PARVB: variants seen among roughly 807,000 people sequenced by gnomAD.
PARVB encodes beta-parvin.
In PARVB, 46 loss-of-function variants were observed where a neutral mutation model predicts 47.0. The observed-to-expected ratio is 0.98, with a 90% confidence interval of 0.77 to 1.25. The LOEUF (loss-of-function observed/expected upper bound fraction) is 1.25. Among genes scored for constraint, PARVB ranks in the 50% most tolerant of loss-of-function variants. The pLI is 0.00. For missense variants in PARVB, 473 were observed against 471.6 expected (o/e 1.00, Z -0.03); for synonymous variants, 196 against 196.3 (o/e 1.00, Z 0.01).
chr22:44,055,809 A>G (rs2051299964), intron 1 of PARVB, among the ~76,000 whole-genome samples: 1 of 152,102 alleles, frequency 6.6e-6, no homozygotes. Flanking sequence ...GCGGGAGGAG[A>G]CCCACGTCCC....
At chr22:44,157,541 G>A (rs1452980407) in intron 10 of PARVB, among the ~76,000 whole-genome samples, 1 of 152,134 alleles carries the variant, frequency 6.6e-6, no homozygotes, top group African/African-American at 2.4e-5. Context: ...CTTGATTCCA[G>A]ATTCTCCTGC....
At chr22:44,073,771 G>A (rs1172976599) in intron 1 of PARVB, among the ~76,000 whole-genome samples, 1 of 152,228 alleles carries the variant, frequency 6.6e-6, no homozygotes, top group East Asian at 1.9e-4. Flanking sequence ...GTAGGCCAAG[G>A]CAGCGGTTCT....
chr22:44,121,857 T>G (rs1378707837), intron 4 of PARVB, among the ~76,000 whole-genome samples: 1 of 152,202 alleles, frequency 6.6e-6, no homozygotes, highest in Non-Finnish European at 1.5e-5. Flanking sequence ...CAGAAATATA[T>G]TTGCTATTTA....
At chr22:44,038,928 C>T (rs370117644) in intron 1 of PARVB, among the ~76,000 whole-genome samples, 2 of 152,120 alleles carry the variant, frequency 1.3e-5, no homozygotes, top group African/African-American at 2.4e-5. Flanking sequence ...ACACAGTCAA[C>T]GCAGTAAAAG....
At chr22:44,126,230 C>T (rs890303643) in intron 4 of PARVB, among the ~76,000 whole-genome samples, 1 of 152,130 alleles carries the variant, frequency 6.6e-6, no homozygotes, top group Non-Finnish European at 1.5e-5. Context: ...GCCGAATGCC[C>T]AAGAATTAAC....
At chr22:44,066,833 A>C (rs1380880656) in intron 1 of PARVB, among the ~76,000 whole-genome samples, 26 of 34,718 alleles carry the variant, frequency 7.5e-4, no homozygotes, top group East Asian at 2.4e-3. Flanking sequence ...TTCCTCCTCC[A>C]TCTCCTCCTC....
chr22:44,004,257 G>T (rs2050441707), intron 2 of PARVB, among the ~76,000 whole-genome samples: 1 of 152,256 alleles, frequency 6.6e-6, no homozygotes, highest in Non-Finnish European at 1.5e-5. Flanking sequence ...GCAGGAGCAG[G>T]CGCTCCAGGT....
chr22:44,054,372 G>A (rs1424844548), intron 1 of PARVB, among the ~76,000 whole-genome samples: 2 of 152,162 alleles, frequency 1.3e-5, no homozygotes, highest in East Asian at 1.9e-4. Flanking sequence ...GCACTACAAC[G>A]CTTGGCTAAC....
At chr22:44,132,871 T>C (rs1362823978) in intron 5 of PARVB, 23 bp from the exon 6 acceptor site, 3 of 1,548,258 alleles carry the variant, frequency 1.9e-6, no homozygotes, top group Admixed American at 3.3e-5. Context: ...CTAAAGCGTC[T>C]CCCTTCCTCC....
At chr22:44,016,195 T>C (rs1318727525) in intron 2 of PARVB, among the ~76,000 whole-genome samples, 3 of 151,500 alleles carry the variant, frequency 2.0e-5, no homozygotes, top group Admixed American at 6.6e-5. Context: ...CTCCCAGGTT[T>C]ACGCAATTCT....
intron 4 of PARVB, among the ~76,000 whole-genome samples, chr22:44,123,261 C>T (rs534078177): frequency 9.8e-5 from 15 of 152,286 alleles, no homozygotes; most frequent in African/African-American, 2.9e-4. Context: ...GATTTGGCAC[C>T]GGATGGGTCA....
rs1334204961 is a variant in PARVB at position 44,120,793 on chromosome 22, G to A, written c.376+1653G>A. 4.6e-5 allele frequency among the ~76,000 whole-genome samples: 7 copies of A among 151,658 alleles called. No individual in the cohort carries two copies. In the East Asian group the frequency reaches 1.4e-3, roughly 29 times the overall value. On this transcript the variant is annotated intron_variant, in intron 4 of 12. Coordinates refer to ENST00000338758, the MANE Select transcript of PARVB (RefSeq NM_013327.5). ...TGGGCTCCAGTGATCCTCACACCTT[G>A]GCCTCTAGAGTAGCTAGGACTACAG... is the stretch of plus-strand genomic sequence containing the variant.
Position 44,158,115 on chromosome 22 carries a change from C to A in PARVB, c.945+32C>A, listed in dbSNP as rs767690810. 4 of 1,398,948 alleles carry A rather than the reference C, an allele frequency of 2.9e-6. No homozygotes were observed. The East Asian group carries it at 9.1e-5, about 32-fold the overall frequency. 86.7% of individuals were successfully genotyped at this position (1,398,948 alleles called of 1,614,324 possible). On this transcript the variant is annotated intron_variant, in intron 11 of 12. Coordinates refer to ENST00000338758, the MANE Select transcript of PARVB (RefSeq NM_013327.5). ...GCATGGTCTCCATCCTTGGTAGGGG[C>A]TCAAGAAATGCTCATTGAAATGCAG...
chr22:44,159,057 T>C (rs1026991446), intron 11 of PARVB, among the ~76,000 whole-genome samples: 6 of 152,018 alleles, frequency 3.9e-5, no homozygotes, highest in Admixed American at 6.6e-5. Context: ...GAGTCCATGT[T>C]GAATCGAGAG....
upstream of PARVB, among the ~76,000 whole-genome samples, chr22:44,021,506 A>C (rs2050647550): frequency 1.3e-5 from 2 of 152,276 alleles, no homozygotes; most frequent in Non-Finnish European, 2.9e-5. Context: ...GTTCCCCTTT[A>C]TTGCTCTGAA....
chr22:44,085,340 G>C (rs1389106606), intron 1 of PARVB, among the ~76,000 whole-genome samples: 1 of 151,882 alleles, frequency 6.6e-6, no homozygotes. Flanking sequence ...GACAAGATCT[G>C]GCTCTGTCAC....
chr22:44,054,064 C>T (rs1405542575), intron 1 of PARVB, among the ~76,000 whole-genome samples: 2 of 152,110 alleles, frequency 1.3e-5, no homozygotes, highest in East Asian at 1.9e-4. Context: ...TGGGGAGGCC[C>T]TGCAAGACCT....
chr22:44,017,538 G>A (rs2050596614), intron 2 of PARVB, among the ~76,000 whole-genome samples: 1 of 152,094 alleles, frequency 6.6e-6, no homozygotes, highest in Admixed American at 6.6e-5. Context: ...TTGAAATGTG[G>A]GGCCACTGTT....
rs2052100869 is a variant in PARVB at position 44,089,101 on chromosome 22, A to G, written c.113-4827A>G. Among the ~76,000 whole-genome samples the G allele has an allele frequency of 6.6e-6, 1 of 152,160 alleles. No individual in the cohort carries two copies. Among genetic ancestry groups the G allele is most frequent in the Non-Finnish European group, 1.5e-5 (1 of 68,044 alleles). On this transcript the variant is annotated intron_variant, in intron 1 of 12. Transcript: ENST00000338758. This position sits in a 1 kb window ranked among gnomAD's most constrained non-coding sequence, Gnocchi z 4.0. ...GCGAGGAGTGCCCGTCTCCAGAGAC[A>G]GTGTGCCAAGGGGCCCTCCTCCTAT...
Sources: allele counts gnomAD v4.1 joint callset (sites outside exome capture counted in the v4.1 genomes callset), GRCh38; gene constraint gnomAD v4.1.1; non-coding constraint Gnocchi (gnomAD v3.1); transcripts MANE v1.5; gene names NCBI Gene and HGNC (gene_info 2026-07-23, HGNC 2026-07-21).